ZNF385D: variants seen among roughly 807,000 people sequenced by gnomAD.
ZNF385D encodes zinc finger protein 659.
Under a neutral mutation model 35.8 loss-of-function variants are expected in ZNF385D, and 15 were observed. The observed-to-expected ratio is 0.42, with a 90% confidence interval of 0.28 to 0.64. ZNF385D has a LOEUF of 0.64. Ranked by LOEUF, ZNF385D falls within the 30% of genes least tolerant of loss-of-function variation. The probability of loss-of-function intolerance (pLI) is 0.23; values close to 1 mark genes in which losing one functional copy is unlikely to be tolerated. For missense variants in ZNF385D, 474 were observed against 494.6 expected, an observed-to-expected ratio of 0.96 and a Z score of 0.39; for synonymous variants, 212 against 186.8, an observed-to-expected ratio of 1.13 and a Z score of -1.10.
chr3:21,812,083 G>A (rs2072945430), intron 3 of ZNF385D, among the ~76,000 whole-genome samples: 2 of 152,240 alleles, frequency 1.3e-5, no homozygotes, highest in South Asian at 4.1e-4. Context: ...TTAAGAGGAA[G>A]TTAAGTGCCA....
chr3:22,252,102 C>G (rs1700091702), intron 2 of ZNF385D, among the ~76,000 whole-genome samples: 1 of 152,004 alleles, frequency 6.6e-6, no homozygotes, highest in Non-Finnish European at 1.5e-5. Context: ...GACACATTTC[C>G]ATAACTAAAG....
intron 2 of ZNF385D, among the ~76,000 whole-genome samples, chr3:22,297,920 T>A (rs1022024242): frequency 1.3e-5 from 2 of 152,128 alleles, no homozygotes; most frequent in Admixed American, 1.3e-4. Context: ...ATTTTAAAAA[T>A]AATCTCTGCA....
At chr3:22,094,410 A>ATATATATATATATAT (rs1386186822) in intron 3 of ZNF385D, among the ~76,000 whole-genome samples, 45 of 83,400 alleles carry the variant, frequency 5.4e-4, no homozygotes, top group Non-Finnish European at 8.1e-4. Flanking sequence ...ATATATATAT[A>ATATATATATATATAT]AAGGCATTTG....
intron 3 of ZNF385D, chr3:21,942,425 C>G (rs1385604631): frequency 6.6e-6 from 1 of 152,170 alleles, no homozygotes; most frequent in African/African-American, 2.4e-5. Context: ...AAGGACTCAT[C>G]CTTCAGCTAA....
At chr3:22,007,962 T>G (rs1696322600) in intron 3 of ZNF385D, among the ~76,000 whole-genome samples, 1 of 152,066 alleles carries the variant, frequency 6.6e-6, no homozygotes, top group Non-Finnish European at 1.5e-5. Context: ...CTCATACCTA[T>G]GTACAAATGA....
chr3:22,261,246 A>T (rs1038733139), intron 2 of ZNF385D, among the ~76,000 whole-genome samples: 1 of 151,978 alleles, frequency 6.6e-6, no homozygotes, highest in African/African-American at 2.4e-5. Context: ...TTCAAGTAGT[A>T]GGAGGAGACA....
At chr3:21,932,194 A>AAAAAAT (rs1701047571) in intron 3 of ZNF385D, among the ~76,000 whole-genome samples, 1 of 140,878 alleles carries the variant, frequency 7.1e-6, no homozygotes, top group African/African-American at 2.6e-5. Context: ...AAAAAAAAAA[A>AAAAAAT]GTGTGACTTG....
chr3:21,834,766 T>A (rs1187141833), intron 3 of ZNF385D, among the ~76,000 whole-genome samples: 3 of 36,796 alleles, frequency 8.2e-5, no homozygotes, highest in Non-Finnish European at 1.5e-4. Flanking sequence ...TCGTGGGAGA[T>A]GAATGGATCT....
chr3:22,341,309 T>C (rs142364807), intron 2 of ZNF385D, among the ~76,000 whole-genome samples: 2 of 152,318 alleles, frequency 1.3e-5, no homozygotes, highest in African/African-American at 4.8e-5. Flanking sequence ...GTAAATAAAC[T>C]TGTTTTGGGA....
intron 2 of ZNF385D, among the ~76,000 whole-genome samples, chr3:21,603,949 G>A (rs2064399028): frequency 6.6e-6 from 1 of 152,136 alleles, no homozygotes; most frequent in African/African-American, 2.4e-5. Flanking sequence ...CTCAACTCCA[G>A]GCTGAGGCAG....
chr3:22,231,084 C>T (rs1398694363), intron 2 of ZNF385D, among the ~76,000 whole-genome samples: 2 of 152,146 alleles, frequency 1.3e-5, no homozygotes, highest in Non-Finnish European at 2.9e-5. Flanking sequence ...TGAGTGCCAA[C>T]TCTTAAATAT....
At chr3:21,439,695 G>A (rs537989452) in intron 4 of ZNF385D, among the ~76,000 whole-genome samples, 9 of 152,110 alleles carry the variant, frequency 5.9e-5, no homozygotes, top group East Asian at 1.9e-4. Flanking sequence ...GGAATCTTTC[G>A]ATTCCTGTGA....
At chr3:21,920,970 C>T (rs1378437013) in intron 3 of ZNF385D, among the ~76,000 whole-genome samples, 1 of 151,984 alleles carries the variant, frequency 6.6e-6, no homozygotes, top group African/African-American at 2.4e-5. Flanking sequence ...AATCCCAGCA[C>T]TCTGGGAGGC....
intron 3 of ZNF385D, among the ~76,000 whole-genome samples, chr3:22,137,663 C>T (rs987875327): frequency 6.6e-5 from 10 of 152,106 alleles, no homozygotes; most frequent in African/African-American, 1.4e-4. Flanking sequence ...ATTGATGGGA[C>T]GTATCTCAAA....
At chr3:21,635,465 A>G (rs2065400742) in intron 2 of ZNF385D, among the ~76,000 whole-genome samples, 1 of 152,110 alleles carries the variant, frequency 6.6e-6, no homozygotes, top group Admixed American at 6.6e-5. Context: ...GACCTGGACC[A>G]AACTTCATAG....
At chr3:22,284,828 C>T (rs547044915) in intron 2 of ZNF385D, among the ~76,000 whole-genome samples, 2 of 151,896 alleles carry the variant, frequency 1.3e-5, no homozygotes, top group Admixed American at 6.6e-5. Flanking sequence ...ATTTGGTATA[C>T]CTAAAAAAGA....
chr3:21,687,789 A>T (rs2067154579), intron 1 of ZNF385D, among the ~76,000 whole-genome samples: 1 of 152,210 alleles, frequency 6.6e-6, no homozygotes, highest in Non-Finnish European at 1.5e-5. Flanking sequence ...AAAACCGATG[A>T]TTCACCAGTG....
intron 4 of ZNF385D, among the ~76,000 whole-genome samples, chr3:21,490,718 C>A (rs1295787653): frequency 6.6e-6 from 1 of 151,632 alleles, no homozygotes; most frequent in Non-Finnish European, 1.5e-5. Flanking sequence ...AAATTTGAGT[C>A]TCTGAATGAA....
At chr3:22,180,828 C>T (rs1485722272) in intron 2 of ZNF385D, among the ~76,000 whole-genome samples, 2 of 151,106 alleles carry the variant, frequency 1.3e-5, no homozygotes, top group East Asian at 3.9e-4. Context: ...CAGCCAATAT[C>T]ATACTATGAC....
Sources: allele counts gnomAD v4.1 joint callset (sites outside exome capture counted in the v4.1 genomes callset), GRCh38; gene constraint gnomAD v4.1.1; transcripts MANE v1.5; gene names NCBI Gene and HGNC (gene_info 2026-07-23, HGNC 2026-07-21).